Variants in EIF4G3 observed in about 807,000 individuals in gnomAD.
The protein encoded by EIF4G3 is eIF-4-gamma 3.
EIF4G3 carries 34 observed loss-of-function variants against 186.4 expected under a neutral mutation model. The ratio of observed to expected loss-of-function variants is 0.18; its 90% CI spans 0.14 to 0.24. EIF4G3 has a LOEUF of 0.24. Among genes scored for constraint, EIF4G3 ranks in the 10% least tolerant of loss-of-function variants. EIF4G3 has a pLI of 1.00. For missense variants in EIF4G3, 1,536 were observed against 1,948.5 expected, an observed-to-expected ratio of 0.79 and a Z score of 3.99; for synonymous variants, 673 against 679.5, an observed-to-expected ratio of 0.99 and a Z score of 0.15.
intron 16 of EIF4G3, 114 bp downstream of exon 16, chr1:20,899,583 A>C: frequency 1.5e-6 from 2 of 1,316,154 alleles, no homozygotes; most frequent in Non-Finnish European, 2.1e-6. Flanking sequence ...TGTAAATATT[A>C]TATTGTGATA....
At chr1:21,019,709 C>T (rs1324770532) in intron 4 of EIF4G3, among the ~76,000 whole-genome samples, 1 of 152,038 alleles carries the variant, frequency 6.6e-6, no homozygotes, top group Non-Finnish European at 1.5e-5. Flanking sequence ...ATGGTGAAAC[C>T]CTGTCTCTAC....
Position 21,097,208 on chromosome 1 carries a change from A to G in EIF4G3, c.-271-7995T>C, listed in dbSNP as rs569969913. Among the ~76,000 whole-genome samples, 35 of 152,282 alleles carry G rather than the reference A, an allele frequency of 2.3e-4. 1 individual carries two copies. In the South Asian group the frequency reaches 7.3e-3, roughly 32 times the overall value. On this transcript the variant is annotated intron_variant, in intron 2 of 36. Coordinates refer to ENST00000602326, the MANE Select transcript of EIF4G3 (RefSeq NM_001391906.1). ...GGATACACGATCTTTCCAATTTTGT[A>G]TTTCCTTTCTGGAGTAAAAGGAGTG... is the stretch of plus-strand genomic sequence containing the variant.
intron 4 of EIF4G3, among the ~76,000 whole-genome samples, chr1:21,036,205 A>G (rs943223635): frequency 7.2e-5 from 11 of 151,838 alleles, no homozygotes; most frequent in African/African-American, 2.7e-4. Context: ...GAGAGGAGCC[A>G]CCCACTCTAG....
intron 2 of EIF4G3, among the ~76,000 whole-genome samples, chr1:21,116,766 G>C (rs1283668476): frequency 6.6e-6 from 1 of 151,018 alleles, no homozygotes; most frequent in African/African-American, 2.4e-5. Flanking sequence ...TTGAACCCAG[G>C]AGGCGGATGT....
intron 16 of EIF4G3, among the ~76,000 whole-genome samples, chr1:20,898,148 T>C (rs1489816038): frequency 2.0e-5 from 3 of 152,042 alleles, no homozygotes; most frequent in Non-Finnish European, 2.9e-5. Context: ...AGTTTTATGA[T>C]AGCATAAATT....
chr1:20,995,661 C>T (rs1021538731), intron 7 of EIF4G3, among the ~76,000 whole-genome samples: 2 of 152,162 alleles, frequency 1.3e-5, no homozygotes, highest in African/African-American at 2.4e-5. Context: ...TTTGAGCAAC[C>T]GTACCTGGCC....
In EIF4G3 at chr1:20,863,707, G is replaced by A. The variant is rs569455242; in HGVS notation, c.3006+769C>T. ...GATCTGCCCGCCTCAGCCTCCCAAA[G>A]TGCTGGGATTACAAGCATGAGCCAC... is the stretch of plus-strand genomic sequence containing the variant. On this transcript the variant is annotated intron_variant, in intron 22 of 36. Transcript: ENST00000602326. 5.3e-5 allele frequency among the ~76,000 whole-genome samples: 8 copies of A among 151,372 alleles called. No homozygotes were observed. The South Asian group carries it at 1.5e-3, about 28-fold the overall frequency.
At chr1:21,057,752 C>A (rs1337947350) in intron 3 of EIF4G3, among the ~76,000 whole-genome samples, 5 of 152,182 alleles carry the variant, frequency 3.3e-5, no homozygotes, top group Non-Finnish European at 7.4e-5. Flanking sequence ...GATAAAATAT[C>A]ACTTACATTG....
intron 27 of EIF4G3, among the ~76,000 whole-genome samples, 172 bp from the exon 28 acceptor site, chr1:20,851,650 A>G (rs183202370): frequency 1.3e-5 from 2 of 152,330 alleles, no homozygotes; most frequent in East Asian, 3.9e-4. Context: ...AACAAGTAAA[A>G]GAGTGCTTTA....
intron 2 of EIF4G3, among the ~76,000 whole-genome samples, chr1:21,101,357 C>CA (rs2096515003): frequency 6.6e-6 from 1 of 151,810 alleles, no homozygotes; most frequent in African/African-American, 2.4e-5. Flanking sequence ...CACTTGAGGT[C>CA]AGGAGTTCAA....
intron 14 of EIF4G3, among the ~76,000 whole-genome samples, chr1:20,939,116 TA>T (rs3051247): frequency 1.5e-4 from 20 of 129,706 alleles, no homozygotes; most frequent in African/African-American, 3.5e-4. Flanking sequence ...TAAAAAAAAT[TA>T]AAAAAAAAAA....
intron 13 of EIF4G3, among the ~76,000 whole-genome samples, chr1:20,944,225 A>T (rs2095847233): frequency 6.6e-6 from 1 of 152,032 alleles, no homozygotes; most frequent in Non-Finnish European, 1.5e-5. Flanking sequence ...CAGTAAATTT[A>T]AAAATAGGGC....
chr1:21,158,169 CTTTTTTTTT>C (rs71014163), intron 2 of EIF4G3, among the ~76,000 whole-genome samples: 1 of 99,514 alleles, frequency 1.0e-5, no homozygotes, highest in South Asian at 3.1e-4. Flanking sequence ...AAATACATAG[CTTTTTTTTT>C]TTTTTTTTTT....
At chr1:20,835,606 G>GA (rs1030613329) in intron 30 of EIF4G3, among the ~76,000 whole-genome samples, 3 of 151,914 alleles carry the variant, frequency 2.0e-5, no homozygotes, top group Non-Finnish European at 4.4e-5. Flanking sequence ...GGATAATCTA[G>GA]AAAAAAACAG....
chr1:20,847,414 CAA>C (rs2071504749), intron 29 of EIF4G3, among the ~76,000 whole-genome samples: 1 of 152,144 alleles, frequency 6.6e-6, no homozygotes, highest in African/African-American at 2.4e-5. Context: ...CATGATTCTC[CAA>C]AGAGTCCTCC....
intron 4 of EIF4G3, among the ~76,000 whole-genome samples, chr1:21,034,946 G>A (rs986147649): frequency 2.0e-5 from 3 of 152,118 alleles, no homozygotes; most frequent in Admixed American, 6.5e-5. Flanking sequence ...CCCTGGGGCT[G>A]CAGGGGGACC....
chr1:21,007,508 C>T lies in EIF4G3; in HGVS notation c.-66-4700G>A, dbSNP rs184911651. Among the ~76,000 whole-genome samples, 14 of 10,668 alleles carry T rather than the reference C, an allele frequency of 1.3e-3. No individual in the cohort carries two copies. In the South Asian group the frequency reaches 0.025, roughly 19 times the overall value. 7.0% of individuals were successfully genotyped at this position (10,668 alleles called of 152,430 possible). On this transcript the variant is annotated intron_variant, in intron 4 of 36. Transcript: ENST00000602326. Reference sequence around the variant, plus strand: ...CTATGTGAATATATTCACAATGGGCCCCTCCTTAAAAAAAAAAAAAAAAAA... The same window carrying T: ...CTATGTGAATATATTCACAATGGGCTCCTCCTTAAAAAAAAAAAAAAAAAA...
At chr1:21,146,941 A>G (rs2097453536) in intron 2 of EIF4G3, among the ~76,000 whole-genome samples, 1 of 152,144 alleles carries the variant, frequency 6.6e-6, no homozygotes. Flanking sequence ...AAAGCTAGTA[A>G]GTTACCTAAA....
chr1:20,886,456 C>A (rs749329241), intron 18 of EIF4G3, 85 bp from the exon 19 acceptor site: 7 of 1,309,982 alleles, frequency 5.3e-6, no homozygotes, highest in Non-Finnish European at 7.4e-6. Flanking sequence ...GATGACTACG[C>A]CAAGCAATGC....
Sources: gnomAD v4.1 joint callset for allele counts (sites outside exome capture counted in the v4.1 genomes callset) on GRCh38, gnomAD v4.1.1 for gene constraint, MANE v1.5 for transcripts, NCBI Gene and HGNC (gene_info 2026-07-23, HGNC 2026-07-21) for gene names.